The following ADCY5 variants were observed in gnomAD, a reference collection of about 807,000 sequenced individuals.
ADCY5 encodes adenylate cyclase type 5.
ADCY5 carries 30 observed loss-of-function variants against 119.7 expected under a neutral mutation model. The observed-to-expected ratio is 0.25, with a 90% CI of 0.19 to 0.34. The LOEUF (loss-of-function observed/expected upper bound fraction) is 0.34, where lower values mean the gene tolerates loss of function less well. Among genes scored for constraint, ADCY5 ranks in the 10% least tolerant of loss-of-function variants. The pLI is 1.00. For missense variants in ADCY5, 1,324 were observed against 1,775.2 expected, an observed-to-expected ratio of 0.75 and a Z score of 4.57; for synonymous variants, 753 against 762.2, an observed-to-expected ratio of 0.99 and a Z score of 0.20.
chr3:123,362,683 C>G (rs147248150), intron 1 of ADCY5, among the ~76,000 whole-genome samples: 253 of 152,276 alleles, frequency 1.7e-3, no homozygotes, highest in Non-Finnish European at 3.2e-3. Flanking sequence ...GGAAGTCAGA[C>G]AAGGCACGGA....
intron 1 of ADCY5, among the ~76,000 whole-genome samples, chr3:123,421,537 A>G (rs556077893): frequency 2.6e-5 from 4 of 152,310 alleles, no homozygotes; most frequent in Middle Eastern, 3.4e-3. Flanking sequence ...TATGACCATC[A>G]GATTGAGCCA....
At position 123,286,059 on chromosome 3, in the gene ADCY5, T is replaced by C. The variant is rs1165306902; in HGVS notation, c.3657+626A>G. 6.6e-6 allele frequency among the ~76,000 whole-genome samples: 1 copy of C among 152,146 alleles called. No homozygotes were observed. The highest frequency in any genetic ancestry group is 6.5e-5 in the Admixed American group (1 of 15,286). ...CACAGAGAACTGGGGGTGAGGGCCG[T>C]GCAGGAGGACTACTGCCCAGGGCGG... On this transcript the variant is annotated intron_variant, in intron 20 of 20. Coordinates refer to ENST00000462833, the MANE Select transcript of ADCY5 (RefSeq NM_183357.3). This position sits in a 1 kb window ranked among gnomAD's most constrained non-coding sequence, Gnocchi z 4.2.
chr3:123,413,343 C>G (rs1945104289), intron 1 of ADCY5, among the ~76,000 whole-genome samples: 1 of 152,234 alleles, frequency 6.6e-6, no homozygotes, highest in Non-Finnish European at 1.5e-5. Context: ...GAGCCATGAG[C>G]TCAGGCCCCT....
intron 1 of ADCY5, among the ~76,000 whole-genome samples, chr3:123,381,343 T>C (rs1375775706): frequency 6.6e-6 from 1 of 152,210 alleles, no homozygotes; most frequent in Non-Finnish European, 1.5e-5. Context: ...CTGTGGCCTG[T>C]GCCACATTCA....
In ADCY5 at chr3:123,284,596, G is replaced by A. The variant is rs1252424165; in HGVS notation, c.*12C>T. 5 of 1,613,976 alleles carry A rather than the reference G, an allele frequency of 3.1e-6. No individual in the cohort carries two copies. The highest frequency in any genetic ancestry group is 4.2e-6 in the Non-Finnish European group (5 of 1,179,950). ...GGAGGCCAGGCTGCCTGGCACCATT[G>A]GCCAACAGCTGCTAACTGAGCGGGG... is the stretch of plus-strand genomic sequence containing the variant. On this transcript the variant is annotated 3_prime_UTR_variant, in exon 21 of 21. Coordinates refer to ENST00000462833, the MANE Select transcript of ADCY5 (RefSeq NM_183357.3).
chr3:123,352,302 G>GTTGGTCCCC lies in ADCY5; in HGVS notation c.1284+121_1284+129dup. The GTTGGTCCCC allele has an allele frequency of 3.5e-6, 4 of 1,153,338 alleles. No individual in the cohort carries two copies. The highest frequency in any genetic ancestry group is 4.7e-6 in the Non-Finnish European group (4 of 845,610). 71.4% of individuals were successfully genotyped at this position (1,153,338 alleles called of 1,614,324 possible). On this transcript the variant is annotated intron_variant, in intron 2 of 20. Transcript: ENST00000462833. This position sits in a 1 kb window ranked among gnomAD's most constrained non-coding sequence, Gnocchi z 4.8. ...TCTCCAGGGGAAACATTCCCCATGG[G>GTTGGTCCCC]TTGGTCCCCTCCCGGGGAGTGGGGC...
At position 123,402,605 on chromosome 3, in the gene ADCY5, C is replaced by T. The variant is rs915310915; in HGVS notation, c.1134+44807G>A. On this transcript the variant is annotated intron_variant, in intron 1 of 20. Coordinates refer to ENST00000462833, the MANE Select transcript of ADCY5 (RefSeq NM_183357.3). ...GTGGCTCACGCCTGTAATCCCAGCA[C>T]TTTGGGAGGCTGAGACGGGTGGATC... 3.4e-4 allele frequency among the ~76,000 whole-genome samples: 51 copies of T among 150,626 alleles called. 2 individuals are homozygous for T. Among genetic ancestry groups the T allele is most frequent in the Non-Finnish European group, 1.5e-5 (1 of 67,574 alleles).
chr3:123,287,131 T>TATCA (rs1189574333), intron 19 of ADCY5: 4 of 234,172 alleles, frequency 1.7e-5, no homozygotes, highest in African/African-American at 9.0e-5. Context: ...AGGCGCAACC[T>TATCA]ATCAGACTGG....
At chr3:123,380,871 G>C (rs1944009229) in intron 1 of ADCY5, among the ~76,000 whole-genome samples, 1 of 152,226 alleles carries the variant, frequency 6.6e-6, no homozygotes, top group Non-Finnish European at 1.5e-5. Context: ...TACTTGCCAG[G>C]AGAGGGAGGG....
chr3:123,297,506 C>A (rs1374084652), intron 15 of ADCY5, 124 bp from the exon 16 acceptor site: 49 of 1,079,486 alleles, frequency 4.5e-5, no homozygotes, highest in Non-Finnish European at 6.1e-5. Context: ...GCTCCCCAGC[C>A]CCATTCACCC....
intron 1 of ADCY5, among the ~76,000 whole-genome samples, chr3:123,409,282 T>A (rs1028242182): frequency 1.3e-5 from 2 of 152,150 alleles, no homozygotes; most frequent in African/African-American, 2.4e-5. Context: ...TGCTAGGGGC[T>A]GTGCTAGGTG....
chr3:123,331,016 C>T lies in ADCY5; in HGVS notation c.1519G>A (p.Glu507Lys). Residue 507 changes from glutamate (E) to lysine (K), a missense_variant and splice_region_variant, in exon 5 of 21, where the codon GAG becomes AAG. This residue lies in a region of ADCY5 where 123 missense variants were observed against 287.9 expected (regional missense o/e 0.43). Transcript: ENST00000462833. ...LFARFDKLAAENHCLRIKILG... is the reference protein window; with the variant it reads ...LFARFDKLAAKNHCLRIKILG... ...ATCTTAATACGTAAACAGTGATTCT[C>T]CTGGAAAGCAAATTAATTTTACAAA... 6.2e-7 allele frequency: 1 copy of T among 1,603,626 alleles called. No homozygotes were observed. The highest frequency in any genetic ancestry group is 2.2e-5 in the East Asian group (1 of 44,770).
At chr3:123,307,286 T>C (rs1940251441) in intron 12 of ADCY5, among the ~76,000 whole-genome samples, 1 of 152,188 alleles carries the variant, frequency 6.6e-6, no homozygotes, top group Non-Finnish European at 1.5e-5. Context: ...AAAATCTTGC[T>C]CAGCCTCTTA....
chr3:123,448,150 AG>A lies in ADCY5; in HGVS notation c.395del (p.Pro132LeufsTer106). 2 of 1,041,450 alleles carry A rather than the reference AG, an allele frequency of 1.9e-6. No homozygotes were observed. The highest frequency in any genetic ancestry group is 2.3e-6 in the Non-Finnish European group (2 of 872,174). 64.5% of individuals were successfully genotyped at this position (1,041,450 alleles called of 1,614,324 possible). A position where few individuals can be genotyped will look rare whatever the true frequency, so the allele number is the denominator to read the frequency against. ...AASGGSTRAP[P>X]AGGGGGSAAA... is the part of the protein sequence containing the mutation. The stretch of plus-strand genomic sequence containing the variant: ...CCGCCGAGCCGCCGCCGCCGCCCGC[AG>A]GGGGCGCCCGGGTGCTGCCCCCGCT... On this transcript the variant is annotated frameshift_variant, in exon 1 of 21. Transcript: ENST00000462833. LOFTEE classifies it high-confidence loss of function.
intron 1 of ADCY5, among the ~76,000 whole-genome samples, chr3:123,444,564 T>C (rs1028453313): frequency 6.6e-6 from 1 of 152,056 alleles, no homozygotes; most frequent in Non-Finnish European, 1.5e-5. Flanking sequence ...TTGTGTCCTG[T>C]TCCTCCCTTG....
At chr3:123,393,564 T>TTAAAATAAAATAAAATAAAATAAAA (rs58733977) in intron 1 of ADCY5, among the ~76,000 whole-genome samples, 1,578 of 143,496 alleles carry the variant, frequency 0.011, 32 homozygotes, top group East Asian at 0.035. Flanking sequence ...TTCTAAAAAA[T>TTAAAATAAAATAAAATAAAATAAAA]TAAAATAAAA....
chr3:123,356,767 C>T (rs1943054000), intron 1 of ADCY5, among the ~76,000 whole-genome samples: 1 of 152,160 alleles, frequency 6.6e-6, no homozygotes, highest in African/African-American at 2.4e-5. Flanking sequence ...AATGGTCCAG[C>T]TACTTTGGAA....
chr3:123,408,325 A>G (rs1944954882), intron 1 of ADCY5, among the ~76,000 whole-genome samples: 2 of 151,914 alleles, frequency 1.3e-5, no homozygotes, highest in South Asian at 4.2e-4. Context: ...GAAAATTAGC[A>G]TACAAATGTT....
intron 15 of ADCY5, among the ~76,000 whole-genome samples, chr3:123,299,021 G>A (rs560925741): frequency 2.6e-5 from 4 of 152,166 alleles, no homozygotes; most frequent in South Asian, 4.2e-4. Context: ...TATCCTGCCC[G>A]AGTGAAGAAT....
Sources: gnomAD v4.1 joint callset for allele counts (sites outside exome capture counted in the v4.1 genomes callset) on GRCh38, gnomAD v4.1.1 for gene constraint, gnomAD v4.1.1 regional missense constraint, Gnocchi (gnomAD v3.1) non-coding constraint, MANE v1.5 for transcripts, NCBI Gene and HGNC (gene_info 2026-07-23, HGNC 2026-07-21) for gene names.